Variants in SPECC1 observed in about 807,000 individuals in gnomAD.
SPECC1 encodes the protein cytospin-B.
SPECC1 carries 62 observed loss-of-function variants against 104.1 expected under a neutral mutation model. The observed-to-expected ratio is 0.60, with a 90% CI of 0.49 to 0.74. SPECC1 has a LOEUF of 0.74. SPECC1 is among the 30% of genes least tolerant of loss of function. The probability of loss-of-function intolerance (pLI) is 0.00; values close to 1 mark genes in which losing one functional copy is unlikely to be tolerated. For synonymous variants in SPECC1, 513 were observed against 501.6 expected (o/e 1.02, Z -0.30); for missense variants, 1,306 against 1,310.5 (o/e 1.00, Z 0.05).
chr17:20,199,715 A>G (rs2036287077), intron 3 of SPECC1, among the ~76,000 whole-genome samples: 1 of 151,970 alleles, frequency 6.6e-6, no homozygotes, highest in African/African-American at 2.4e-5. Context: ...GGTTGTACTG[A>G]TTGACATTCT....
intron 1 of SPECC1, among the ~76,000 whole-genome samples, chr17:20,093,824 G>A (rs986338833): frequency 9.3e-5 from 14 of 150,252 alleles, no homozygotes; most frequent in African/African-American, 3.2e-4. Context: ...TCTGCCTCCC[G>A]GGTTCAAGTG....
chr17:20,153,375 T>C (rs2152568614), intron 3 of SPECC1, among the ~76,000 whole-genome samples: 1 of 152,258 alleles, frequency 6.6e-6, no homozygotes, highest in Non-Finnish European at 1.5e-5. Context: ...AAGGACTTCA[T>C]CTTAAGGGTA....
intron 13 of SPECC1, among the ~76,000 whole-genome samples, chr17:20,304,289 C>CA (rs899963476): frequency 4.0e-5 from 6 of 151,710 alleles, no homozygotes; most frequent in South Asian, 4.2e-4. Context: ...GATTCCATCT[C>CA]AAAAAAAGGA....
intron 2 of SPECC1, among the ~76,000 whole-genome samples, chr17:20,105,835 G>A (rs1188820766): frequency 6.6e-6 from 1 of 152,200 alleles, no homozygotes; most frequent in Non-Finnish European, 1.5e-5. Context: ...GAAGGGGGCA[G>A]GGCAAGCTCT....
At chr17:20,238,917 C>G in intron 7 of SPECC1, 42 of 1,041,910 alleles carry the variant, frequency 4.0e-5, no homozygotes, top group Non-Finnish European at 4.7e-5. Flanking sequence ...TTTTAATCAC[C>G]AGCTACGTTT....
chr17:20,125,092 A>G (rs1291835099), intron 3 of SPECC1, among the ~76,000 whole-genome samples: 1 of 152,172 alleles, frequency 6.6e-6, no homozygotes, highest in Non-Finnish European at 1.5e-5. Context: ...AGGCAGGAGA[A>G]TGGCGTGAAC....
chr17:20,243,309 C>G (rs1312144999), intron 7 of SPECC1, among the ~76,000 whole-genome samples: 2 of 152,150 alleles, frequency 1.3e-5, no homozygotes, highest in African/African-American at 2.4e-5. Flanking sequence ...TGTATACTTA[C>G]ATATTTCTTA....
intron 1 of SPECC1, among the ~76,000 whole-genome samples, chr17:20,035,200 T>C (rs1364147828): frequency 6.6e-6 from 1 of 152,258 alleles, no homozygotes; most frequent in African/African-American, 2.4e-5. Flanking sequence ...ATGTAAGTCT[T>C]GAAACTGGAT....
rs767467190 is a variant in SPECC1 at position 20,205,779 on chromosome 17, G to A, written c.1730G>A (p.Ser577Asn). 2 of 1,614,214 alleles carry A rather than the reference G, an allele frequency of 1.2e-6. No homozygotes were observed. The highest frequency in any genetic ancestry group is 2.2e-5 in the South Asian group (2 of 91,078). Residue 577 changes from serine (S) to asparagine (N), a missense_variant, in exon 4 of 15, where the codon AGC becomes AAC. Ser to Asn is a conservative substitution (Grantham distance 46). This residue lies in a region of SPECC1 where 1,177 missense variants were observed against 1,139.9 expected (regional missense o/e 1.03). Transcript: ENST00000395527. ...EASAVEQTAE[S>N]CEVQEMLKVA... ...AGTGCTGTGGAGCAGACGGCAGAGA[G>A]CTGCGAAGTTCAAGAAATGTTGAAA...
intron 1 of SPECC1, chr17:20,067,174 CTTTT>C (rs1249720300): frequency 6.6e-6 from 1 of 152,026 alleles, no homozygotes; most frequent in Non-Finnish European, 1.5e-5. Flanking sequence ...ACCATTCTTT[CTTTT>C]TTCTTTTTTT....
At chr17:20,288,771 CTTTTTTTTTTT>C (rs60578647) in intron 12 of SPECC1, among the ~76,000 whole-genome samples, 2 of 73,708 alleles carry the variant, frequency 2.7e-5, no homozygotes, top group African/African-American at 6.2e-5. Context: ...AAGGGCACTT[CTTTTTTTTTTT>C]TTTTTTTTTT....
intron 3 of SPECC1, among the ~76,000 whole-genome samples, chr17:20,125,747 C>G (rs138034892): frequency 5.6e-4 from 85 of 152,314 alleles, no homozygotes; most frequent in Non-Finnish European, 9.7e-4. Context: ...TCTGGATAGC[C>G]ACACTTTGTT....
chr17:20,294,146 T>C (rs534622905), intron 12 of SPECC1, among the ~76,000 whole-genome samples: 38 of 152,224 alleles, frequency 2.5e-4, no homozygotes, highest in African/African-American at 9.2e-4. Flanking sequence ...CACACCTGGC[T>C]CATTTTTGTA....
intron 1 of SPECC1, among the ~76,000 whole-genome samples, chr17:20,095,200 C>T (rs368375534): frequency 2.0e-5 from 3 of 152,136 alleles, no homozygotes; most frequent in Non-Finnish European, 2.9e-5. Flanking sequence ...GAAAAATAAT[C>T]GGTGCTGAAC....
chr17:20,086,751 C>T (rs560942223), intron 1 of SPECC1, among the ~76,000 whole-genome samples: 7 of 152,160 alleles, frequency 4.6e-5, no homozygotes, highest in South Asian at 2.1e-4. Flanking sequence ...CCCTTTTTTG[C>T]GTCTGTGCTC....
chr17:20,292,661 A>T (rs775951757), intron 12 of SPECC1, among the ~76,000 whole-genome samples: 1 of 152,198 alleles, frequency 6.6e-6, no homozygotes, highest in Non-Finnish European at 1.5e-5. Context: ...TCCAGGTTTC[A>T]TCAGGTAGCT....
chr17:20,102,886 C>T (rs2048008010), intron 2 of SPECC1, among the ~76,000 whole-genome samples: 1 of 152,168 alleles, frequency 6.6e-6, no homozygotes, highest in South Asian at 2.1e-4. Context: ...GGTGTCTGTT[C>T]AATGCATACT....
chr17:20,207,012 A>G (rs2036830130), intron 4 of SPECC1, among the ~76,000 whole-genome samples: 1 of 152,134 alleles, frequency 6.6e-6, no homozygotes, highest in Non-Finnish European at 1.5e-5. Context: ...AATTGTGGTG[A>G]TTTTATGATA....
chr17:20,021,897 C>T (rs561381242), intron 1 of SPECC1, among the ~76,000 whole-genome samples: 4 of 147,778 alleles, frequency 2.7e-5, no homozygotes, highest in Admixed American at 6.8e-5. Flanking sequence ...CTTTAGCAGT[C>T]TCTCTCTTTT....
Sources: gnomAD v4.1 joint callset for allele counts (sites outside exome capture counted in the v4.1 genomes callset) on GRCh38, gnomAD v4.1.1 for gene constraint, gnomAD v4.1.1 regional missense constraint, MANE v1.5 for transcripts, NCBI Gene and HGNC (gene_info 2026-07-23, HGNC 2026-07-21) for gene names.